Variants in DNMT1 observed in about 807,000 individuals in gnomAD.
DNMT1 encodes DNA (cytosine-5)-methyltransferase 1.
DNMT1 carries 24 observed loss-of-function variants against 205.3 expected under a neutral mutation model. The ratio of observed to expected loss-of-function variants is 0.12; its 90% confidence interval spans 0.08 to 0.16. DNMT1 has a LOEUF of 0.16. DNMT1 is among the 10% of genes least tolerant of loss of function. The pLI, the probability that DNMT1 is intolerant of heterozygous loss-of-function variation, is 1.00. For missense variants in DNMT1, 1,293 were observed against 2,177.7 expected, an observed-to-expected ratio of 0.59 and a Z score of 8.09; for synonymous variants, 817 against 839.8, an observed-to-expected ratio of 0.97 and a Z score of 0.47.
Position 10,168,330 on chromosome 19 carries a change from G to A in DNMT1, c.803C>T (p.Pro268Leu), listed in dbSNP as rs779634956. The A allele has an allele frequency of 1.6e-5, 26 of 1,613,938 alleles. No individual in the cohort carries two copies. The highest frequency in any genetic ancestry group is 1.8e-5 in the Non-Finnish European group (21 of 1,180,010). ...EKRLRSQTKE[P>L]TPKQKLKEEP... ...ACAAAGGCAGGTTCGCTGCACTTAC[G>A]GTTCTTTGGTTTGACTTCGGAGTCT... is the stretch of plus-strand genomic sequence containing the variant. Residue 268 changes from proline to leucine, a missense_variant and splice_region_variant, in exon 10 of 41, where the codon CCA (proline) becomes CTA (leucine). Transcript: ENST00000359526.
chr19:10,175,104 CACACACACACACACACACACACACAT>C (rs1352955069), intron 7 of DNMT1, among the ~76,000 whole-genome samples: 5 of 123,586 alleles, frequency 4.0e-5, no homozygotes, highest in African/African-American at 5.9e-5. Flanking sequence ...CACACACACA[CACACACACACACACACACACACACAT>C]ATATATAACA....
chr19:10,172,488 A>G (rs1318981233), intron 9 of DNMT1, among the ~76,000 whole-genome samples: 1 of 151,986 alleles, frequency 6.6e-6, no homozygotes, highest in East Asian at 1.9e-4. Context: ...CAGAGAAGCA[A>G]GAAGGCGAGG....
intron 1 of DNMT1, among the ~76,000 whole-genome samples, chr19:10,185,367 G>A (rs1020637332): frequency 4.6e-5 from 7 of 151,142 alleles, no homozygotes; most frequent in Non-Finnish European, 8.8e-5. Flanking sequence ...GAAGCTTGCA[G>A]TGAGCCAAGA....
intron 29 of DNMT1, 34 bp downstream of exon 29, chr19:10,143,732 G>A: frequency 6.2e-7 from 1 of 1,611,250 alleles, no homozygotes. Flanking sequence ...AGAAGAGTCT[G>A]TGGCCTCGTG....
At chr19:10,155,811 C>G (rs1430189389) in intron 19 of DNMT1, 42 bp downstream of exon 19, 1 of 1,589,492 alleles carries the variant, frequency 6.3e-7, no homozygotes, top group Non-Finnish European at 8.6e-7. Context: ...CATGAAGGCC[C>G]CTTTCAGACC....
chr19:10,134,163 G>A (rs2089430816), intron 40 of DNMT1, 54 bp downstream of exon 40: 3 of 1,600,256 alleles, frequency 1.9e-6, no homozygotes, highest in East Asian at 2.2e-5. Flanking sequence ...GCCCCCACAT[G>A]TACCCCCAGA....
chr19:10,137,044 T>C lies in DNMT1; in HGVS notation c.4489+41A>G. On this transcript the variant is annotated intron_variant, in intron 37 of 40. Transcript: ENST00000359526. This position sits in a 1 kb window ranked among gnomAD's most constrained non-coding sequence, Gnocchi z 6.4. ...CCAAAGGCCCAGGGCTCTGCCTTCC[T>C]TCCCCTCAGCCCACCGGGAACCACA... The C allele has an allele frequency of 1.3e-6, 2 of 1,595,130 alleles. No individual in the cohort carries two copies. Among genetic ancestry groups the C allele is most frequent in the South Asian group, 1.1e-5 (1 of 88,280 alleles).
chr19:10,136,924 C>G (rs1285096228), intron 37 of DNMT1, among the ~76,000 whole-genome samples, 161 bp downstream of exon 37: 1 of 152,040 alleles, frequency 6.6e-6, no homozygotes, highest in Non-Finnish European at 1.5e-5. Flanking sequence ...ATGAACCCAG[C>G]CTGCTTTTAC....
chr19:10,149,029 A>C lies in DNMT1; in HGVS notation c.2587-12T>G. The C allele has an allele frequency of 6.2e-7, 1 of 1,613,900 alleles. No individual in the cohort carries two copies. The highest frequency in any genetic ancestry group is 1.3e-5 in the African/African-American group (1 of 75,022). Reference sequence around the variant, plus strand: ...GGATCCATGCCTCCCTTGGGAGATAAGAATGCGTGTCAGGCCAGGCGCAGT... The same window carrying C: ...GGATCCATGCCTCCCTTGGGAGATACGAATGCGTGTCAGGCCAGGCGCAGT... On this transcript the variant is annotated splice_polypyrimidine_tract_variant and intron_variant, in intron 26 of 40. Transcript: ENST00000359526.
chr19:10,181,856 A>C (rs938387408), intron 2 of DNMT1, among the ~76,000 whole-genome samples, 185 bp downstream of exon 2: 3 of 151,998 alleles, frequency 2.0e-5, no homozygotes, highest in Admixed American at 6.6e-5. Flanking sequence ...ACAAAAAAAA[A>C]CACCACCACC....
At chr19:10,186,090 G>A (rs916828512) in intron 1 of DNMT1, among the ~76,000 whole-genome samples, 5 of 152,148 alleles carry the variant, frequency 3.3e-5, no homozygotes, top group Admixed American at 1.3e-4. Flanking sequence ...GACCAAGCCA[G>A]CCAGTCCCCT....
rs1199169323 is a variant in DNMT1 at position 10,143,835 on chromosome 19, A to G, written c.3047T>C (p.Phe1016Ser). Reference protein sequence around the residue: ...PYRIGRIKEIFCPKKSNGRPN... With the variant: ...PYRIGRIKEISCPKKSNGRPN... ...CCTGCCGTTGCTCTTCTTGGGACAG[A>G]AGATCTCTTTGATCCGGCCAATTCG... Residue 1016 changes from phenylalanine (F) to serine (S), a missense_variant, in exon 29 of 41, where the codon TTC (phenylalanine) becomes TCC (serine). By Grantham distance (155) the Phe-to-Ser change is radical. Around this residue, in one of 13 missense-constraint regions of DNMT1, gnomAD observed 167 missense variants for 258.1 expected, o/e 0.65. Transcript: ENST00000359526. 1.2e-6 allele frequency: 2 copies of G among 1,614,004 alleles called. No individual in the cohort carries two copies. Among genetic ancestry groups the G allele is most frequent in the African/African-American group, 2.7e-5 (2 of 74,900 alleles).
At chr19:10,134,591 C>T (rs953609415) in intron 39 of DNMT1, among the ~76,000 whole-genome samples, 2 of 152,162 alleles carry the variant, frequency 1.3e-5, no homozygotes, top group Non-Finnish European at 2.9e-5. Flanking sequence ...CAGTGGCTCA[C>T]GCCTGTAATC....
chr19:10,172,274 C>G (rs1173111053), intron 9 of DNMT1, among the ~76,000 whole-genome samples: 1 of 150,418 alleles, frequency 6.6e-6, no homozygotes, highest in Non-Finnish European at 1.5e-5. Flanking sequence ...AATTATCTGG[C>G]TGTGGTGGCA....
rs2039269906 is a variant in DNMT1, at chr19:10,190,039, G to T, written c.80+4781C>A. 2.0e-5 allele frequency among the ~76,000 whole-genome samples: 3 copies of T among 152,162 alleles called. No individual in the cohort carries two copies. The South Asian group carries it at 6.2e-4, about 32-fold the overall frequency. ...GTAGGGCGGCATTTGAAACCCAGCA[G>T]TCTGTACCCCTAGAATTCTACCACA... On this transcript the variant is annotated intron_variant, in intron 1 of 40. Transcript: ENST00000359526.
At position 10,137,690 on chromosome 19, in the gene DNMT1, G is replaced by T. The variant is rs1053132390; in HGVS notation, c.4293+142C>A. 12 of 1,157,572 alleles carry T rather than the reference G, an allele frequency of 1.0e-5. No individual in the cohort carries two copies. The Admixed American group carries it at 2.4e-4, about 23-fold the overall frequency. 71.7% of individuals were successfully genotyped at this position (1,157,572 alleles called of 1,614,324 possible). ...CCATGACCATGCAAGAGAGACCAGG[G>T]GTCACACAAAGGCTGAGGACTCGGG... On this transcript the variant is annotated intron_variant, in intron 36 of 40. Coordinates refer to ENST00000359526, the MANE Select transcript of DNMT1 (RefSeq NM_001130823.3). The surrounding 1 kb of genome is among the most constrained non-coding windows in gnomAD (Gnocchi z 6.4).
At chr19:10,175,305 AT>A (rs1324754788) in intron 7 of DNMT1, among the ~76,000 whole-genome samples, 1 of 152,116 alleles carries the variant, frequency 6.6e-6, no homozygotes, top group East Asian at 1.9e-4. Context: ...CTATGTACCC[AT>A]AAAAACAAGA....
intron 12 of DNMT1, 49 bp from the exon 13 acceptor site, chr19:10,162,797 C>A: frequency 6.3e-7 from 1 of 1,595,000 alleles, no homozygotes; most frequent in Non-Finnish European, 8.6e-7. Context: ...AAACACTAAC[C>A]ACATCGCCAA....
At chr19:10,163,382 G>A in intron 11 of DNMT1, 22 bp from the exon 12 acceptor site, 3 of 1,613,062 alleles carry the variant, frequency 1.9e-6, no homozygotes. Flanking sequence ...ATAAGGGGGA[G>A]GTAGAGAGAT....
Sources: allele counts gnomAD v4.1 joint callset (sites outside exome capture counted in the v4.1 genomes callset), GRCh38; gene constraint gnomAD v4.1.1; regional missense constraint gnomAD v4.1.1; non-coding constraint Gnocchi (gnomAD v3.1); transcripts MANE v1.5; gene names NCBI Gene and HGNC (gene_info 2026-07-23, HGNC 2026-07-21).